The following EIPR1 variants were observed in gnomAD, a reference collection of about 807,000 sequenced individuals.
EIPR1 encodes the protein EARP and GARP complex-interacting protein 1.
Under a neutral mutation model 48.1 loss-of-function variants are expected in EIPR1, and 25 were observed. The ratio of observed to expected loss-of-function variants is 0.52; its 90% CI spans 0.38 to 0.73. The LOEUF is 0.73. Among genes scored for constraint, EIPR1 ranks in the 30% least tolerant of loss-of-function variants. EIPR1 has a pLI of 0.00. For missense variants in EIPR1, 415 were observed against 506.2 expected (o/e 0.82, Z 1.73); for synonymous variants, 204 against 201.9 (o/e 1.01, Z -0.09).
At position 3,303,737 on chromosome 2, in the gene EIPR1, T is replaced by C. The variant is rs77089827; in HGVS notation, c.259+34280A>G. Among the ~76,000 whole-genome samples the C allele has an allele frequency of 2.6e-3, 394 of 152,210 alleles. 12 individuals are homozygous for C. In the East Asian group the frequency reaches 0.062, roughly 24 times the overall value. ...GTGTTTCCCGGCACCGTGAACACAATAGACGACACGTGATACGGTGCGGCC... is the reference window on the plus strand; with the variant it reads ...GTGTTTCCCGGCACCGTGAACACAACAGACGACACGTGATACGGTGCGGCC... On this transcript the variant is annotated intron_variant, in intron 3 of 8. Coordinates refer to ENST00000382125, the MANE Select transcript of EIPR1 (RefSeq NM_003310.5).
chr2:3,333,420 G>A (rs537297707), intron 3 of EIPR1, among the ~76,000 whole-genome samples: 37 of 152,176 alleles, frequency 2.4e-4, no homozygotes, highest in Non-Finnish European at 4.0e-4. Context: ...CCATGGCTGC[G>A]TCTCCTTTCC....
At chr2:3,360,901 AGGAAAGTATGG>A (rs1265747702) in intron 1 of EIPR1, among the ~76,000 whole-genome samples, 2 of 150,340 alleles carry the variant, frequency 1.3e-5, no homozygotes, top group African/African-American at 4.9e-5. Flanking sequence ...CCTCAGGAAG[AGGAAAGTATGG>A]GGAAAGGGGA....
chr2:3,372,453 T>C (rs1659698562), intron 1 of EIPR1, among the ~76,000 whole-genome samples: 1 of 151,682 alleles, frequency 6.6e-6, no homozygotes, highest in Non-Finnish European at 1.5e-5. Context: ...GCTGGTTTTT[T>C]GAAAGGATCA....
At chr2:3,354,665 T>A in intron 1 of EIPR1, 32 bp from the exon 2 acceptor site, 1 of 1,601,974 alleles carries the variant, frequency 6.2e-7, no homozygotes, top group Non-Finnish European at 8.6e-7. Context: ...CATGCACATT[T>A]ATGAAGTTAG....
At chr2:3,238,743 G>A (rs2103181279) in intron 4 of EIPR1, among the ~76,000 whole-genome samples, 1 of 152,376 alleles carries the variant, frequency 6.6e-6, no homozygotes, top group Non-Finnish European at 1.5e-5. Context: ...AATTACATGA[G>A]TGTGAAGAGA....
chr2:3,265,591 T>C (rs1667461498), intron 3 of EIPR1, among the ~76,000 whole-genome samples: 1 of 152,230 alleles, frequency 6.6e-6, no homozygotes, highest in Non-Finnish European at 1.5e-5. Context: ...GGTTCTGTAA[T>C]GTAACTTCCT....
intron 5 of EIPR1, among the ~76,000 whole-genome samples, chr2:3,202,145 G>A (rs563141067): frequency 5.3e-4 from 81 of 152,122 alleles, no homozygotes; most frequent in Non-Finnish European, 9.3e-4. Flanking sequence ...CACCATGTTA[G>A]CCAGGATGGT....
chr2:3,223,708 T>C (rs1458617090), intron 4 of EIPR1, among the ~76,000 whole-genome samples: 1 of 152,176 alleles, frequency 6.6e-6, no homozygotes, highest in Non-Finnish European at 1.5e-5. Flanking sequence ...GGTGCAGCCC[T>C]GTAGGTGGCC....
chr2:3,220,861 A>C (rs1665864023), intron 4 of EIPR1, among the ~76,000 whole-genome samples: 1 of 150,172 alleles, frequency 6.7e-6, no homozygotes, highest in African/African-American at 2.5e-5. Flanking sequence ...CACGTACGCA[A>C]TGGCCGAGGT....
At chr2:3,291,627 C>T (rs1668369964) in intron 3 of EIPR1, among the ~76,000 whole-genome samples, 1 of 152,152 alleles carries the variant, frequency 6.6e-6, no homozygotes, top group African/African-American at 2.4e-5. Flanking sequence ...GTAGGGAACA[C>T]ATTCAAGTGG....
chr2:3,288,082 C>T (rs932178237), intron 3 of EIPR1, among the ~76,000 whole-genome samples: 3 of 152,216 alleles, frequency 2.0e-5, no homozygotes, highest in African/African-American at 4.8e-5. Context: ...TGCATCCTGA[C>T]GGGGTGGCAT....
chr2:3,229,656 C>A (rs1440823876), intron 4 of EIPR1, among the ~76,000 whole-genome samples: 1 of 152,210 alleles, frequency 6.6e-6, no homozygotes, highest in Non-Finnish European at 1.5e-5. Flanking sequence ...AAGCAGTATT[C>A]CATTAAGTGG....
intron 3 of EIPR1, among the ~76,000 whole-genome samples, chr2:3,299,756 T>G (rs1668714119): frequency 6.6e-6 from 1 of 152,070 alleles, no homozygotes; most frequent in South Asian, 2.1e-4. Context: ...TGCAATCTTA[T>G]ACGTCCCTAA....
chr2:3,235,532 T>C (rs1666380604), intron 4 of EIPR1, among the ~76,000 whole-genome samples: 1 of 152,224 alleles, frequency 6.6e-6, no homozygotes, highest in Admixed American at 6.5e-5. Context: ...GCCAGGTCCT[T>C]CAGGTCCACG....
intron 3 of EIPR1, among the ~76,000 whole-genome samples, chr2:3,311,715 G>A (rs1669134545): frequency 6.6e-6 from 1 of 151,896 alleles, no homozygotes. Context: ...GGGGCCTCCA[G>A]TCACGAGGTG....
chr2:3,222,912 G>A (rs995775253), intron 4 of EIPR1, among the ~76,000 whole-genome samples: 4 of 152,218 alleles, frequency 2.6e-5, no homozygotes, highest in African/African-American at 9.6e-5. Flanking sequence ...TTGCAGAGTA[G>A]TGACGGGCGG....
At chr2:3,351,678 T>C (rs188407715) in intron 2 of EIPR1, among the ~76,000 whole-genome samples, 103 of 152,322 alleles carry the variant, frequency 6.8e-4, no homozygotes, top group Admixed American at 1.8e-3. Context: ...AATTCCCTTC[T>C]TATATTTTTT....
chr2:3,216,846 A>G (rs553339311), intron 4 of EIPR1, among the ~76,000 whole-genome samples: 1 of 152,354 alleles, frequency 6.6e-6, no homozygotes, highest in South Asian at 2.1e-4. Context: ...AAATAACACT[A>G]TTTTAAAATA....
At chr2:3,318,616 A>G (rs553566305) in intron 3 of EIPR1, among the ~76,000 whole-genome samples, 10 of 152,140 alleles carry the variant, frequency 6.6e-5, no homozygotes, top group Admixed American at 3.9e-4. Flanking sequence ...TAACACAACT[A>G]AACAAAAAAC....
Sources: allele counts gnomAD v4.1 joint callset (sites outside exome capture counted in the v4.1 genomes callset), GRCh38; gene constraint gnomAD v4.1.1; transcripts MANE v1.5; gene names NCBI Gene and HGNC (gene_info 2026-07-23, HGNC 2026-07-21).